The following LYRM9 variants were observed in gnomAD, a reference collection of about 807,000 sequenced individuals.
LYRM9 encodes LYR motif containing 9, also known as LYR motif-containing protein 9.
A neutral mutation model predicts 12.6 loss-of-function variants in LYRM9; 14 were observed. That is an observed-to-expected ratio of 1.11 (90% CI 0.73 to 1.73). The LOEUF is 1.73. LYRM9 is among the 40% of genes most tolerant of loss of function. The pLI, the probability that LYRM9 is intolerant of heterozygous loss-of-function variation, is 0.00. For synonymous variants in LYRM9, 42 were observed against 35.1 expected, an observed-to-expected ratio of 1.20 and a Z score of -0.69; for missense variants, 94 against 95.0, an observed-to-expected ratio of 0.99 and a Z score of 0.04.
At chr17:27,892,629 C>A in intron 1 of LYRM9, 1 of 308,180 alleles carries the variant, frequency 3.2e-6, no homozygotes, top group Non-Finnish European at 6.4e-6. Context: ...TTGGTGGTTG[C>A]CTAGGGCTGG....
intron 1 of LYRM9, among the ~76,000 whole-genome samples, chr17:27,887,716 GTGTGTGTGTGTGTGT>G (rs1905279903): frequency 1.7e-4 from 20 of 115,738 alleles, no homozygotes; most frequent in African/African-American, 5.9e-4. Context: ...GAGGGAGGGT[GTGTGTGTGTGTGTGT>G]GTGTGTGTGT....
chr17:27,887,059 T>G (rs184088119), intron 1 of LYRM9, among the ~76,000 whole-genome samples: 1 of 152,192 alleles, frequency 6.6e-6, no homozygotes. Context: ...CTGAGACAAC[T>G]GCAACAGCCC....
chr17:27,881,523 G>C (rs143112638), intron 2 of LYRM9, among the ~76,000 whole-genome samples: 87 of 151,696 alleles, frequency 5.7e-4, no homozygotes, highest in Non-Finnish European at 8.7e-4. Flanking sequence ...CTTACAGAAA[G>C]TTGTGATAAT....
intron 1 of LYRM9, among the ~76,000 whole-genome samples, chr17:27,891,511 A>G (rs1013187572): frequency 2.0e-5 from 3 of 152,156 alleles, no homozygotes; most frequent in African/African-American, 7.2e-5. Flanking sequence ...TGTTAATACC[A>G]TCTCTGAAAC....
chr17:27,892,694 G>C (rs1275380970), intron 1 of LYRM9: 5 of 297,210 alleles, frequency 1.7e-5, no homozygotes, highest in Admixed American at 9.4e-5. Flanking sequence ...TGTTTCTTTT[G>C]GGGGGTAATG....
At chr17:27,880,782 C>T in intron 2 of LYRM9, 4 of 194,086 alleles carry the variant, frequency 2.1e-5, no homozygotes, top group Non-Finnish European at 3.2e-5. Flanking sequence ...TAGGACTTCT[C>T]TCGGCCCAGT....
At position 27,880,506 on chromosome 17, in the gene LYRM9, T is replaced by C. The variant is rs1207585706; in HGVS notation, c.127-140A>G. On this transcript the variant is annotated intron_variant, in intron 2 of 3. Transcript: ENST00000379102. ...TTCATCCTCCATAGACTGTTATGAT[T>C]ATCCCACACAGAGATGAGGAAACAG... 4.8e-6 allele frequency: 3 copies of C among 627,100 alleles called. No individual in the cohort carries two copies. The African/African-American group carries it at 5.5e-5, about 12-fold the overall frequency. 38.8% of individuals were successfully genotyped at this position (627,100 alleles called of 1,614,324 possible). A position where few individuals can be genotyped will look rare whatever the true frequency, so the allele number is the denominator to read the frequency against.
At chr17:27,884,546 T>G (rs185578093) in intron 1 of LYRM9, among the ~76,000 whole-genome samples, 2 of 152,308 alleles carry the variant, frequency 1.3e-5, no homozygotes, top group East Asian at 3.9e-4. Context: ...TTAGTGTCCT[T>G]CCTCCAGGAA....
intron 1 of LYRM9, among the ~76,000 whole-genome samples, chr17:27,887,653 A>G (rs1316168200): frequency 6.6e-6 from 1 of 151,776 alleles, no homozygotes; most frequent in Non-Finnish European, 1.5e-5. Context: ...AATGTCTGGC[A>G]TGGAGTAGAT....
At chr17:27,888,324 T>C (rs751793525) in intron 1 of LYRM9, among the ~76,000 whole-genome samples, 4 of 152,204 alleles carry the variant, frequency 2.6e-5, no homozygotes, top group Non-Finnish European at 5.9e-5. Context: ...CTCATTACTC[T>C]AGGTCAGGCC....
chr17:27,884,947 C>G (rs545786638), intron 1 of LYRM9, among the ~76,000 whole-genome samples: 23 of 152,300 alleles, frequency 1.5e-4, no homozygotes, highest in Non-Finnish European at 2.4e-4. Context: ...CTCCTTCATT[C>G]CATTTACATC....
chr17:27,883,328 G>T (rs1905127343), intron 1 of LYRM9: 1 of 227,906 alleles, frequency 4.4e-6, no homozygotes. Flanking sequence ...TTGCTGGACA[G>T]AGTCACCACA....
At chr17:27,881,141 G>A (rs947667823) in intron 2 of LYRM9, 3 of 151,712 alleles carry the variant, frequency 2.0e-5, no homozygotes, top group African/African-American at 4.9e-5. Flanking sequence ...GGAGGCTAAG[G>A]GAGGAGAATC....
rs1222733398 is a variant in LYRM9 at position 27,883,369 on chromosome 17, G to A, written c.-18-657C>T. 2.1e-5 allele frequency: 4 copies of A among 188,982 alleles called. No homozygotes were observed. The East Asian group carries it at 6.7e-4, about 32-fold the overall frequency. The allele number at this position is 188,982 out of a possible 1,614,324, so 11.7% of individuals were successfully genotyped here. A position where few individuals can be genotyped will look rare whatever the true frequency, so the allele number is the denominator to read the frequency against. ...GGCACGTGATTTCATTTCACTATGA[G>A]TTATCATAAAAATCACAATGGGCTG... On this transcript the variant is annotated intron_variant, in intron 1 of 3. Transcript: ENST00000379102.
At chr17:27,892,901 C>T (rs1272128449) in intron 1 of LYRM9, 2 of 153,246 alleles carry the variant, frequency 1.3e-5, no homozygotes, top group African/African-American at 2.4e-5. Flanking sequence ...TACGCAGAAG[C>T]ATAAATCATC....
intron 1 of LYRM9, among the ~76,000 whole-genome samples, chr17:27,887,528 C>A (rs2142593659): frequency 6.6e-6 from 1 of 152,320 alleles, no homozygotes; most frequent in Non-Finnish European, 1.5e-5. Flanking sequence ...CCTACCTACC[C>A]CTCATCTGCA....
At position 27,886,148 on chromosome 17, in the gene LYRM9, C is replaced by A. The variant is rs1175552806; in HGVS notation, c.-18-3436G>T. On this transcript the variant is annotated intron_variant, in intron 1 of 3. Transcript: ENST00000379102. The surrounding 1 kb of genome is among the most constrained non-coding windows in gnomAD (Gnocchi z 4.8). ...AGTAGTAATCAAATATTGTAAAATGCTAGTCGCGGAACAGATGGTTACCAT... is the reference window on the plus strand; with the variant it reads ...AGTAGTAATCAAATATTGTAAAATGATAGTCGCGGAACAGATGGTTACCAT... Among the ~76,000 whole-genome samples, 3 of 152,136 alleles carry A rather than the reference C, an allele frequency of 2.0e-5. No homozygotes were observed. The highest frequency in any genetic ancestry group is 4.4e-5 in the Non-Finnish European group (3 of 68,040).
rs993697831 is a variant in LYRM9 at position 27,879,310 on chromosome 17, T to C, written c.*163A>G. On this transcript the variant is annotated 3_prime_UTR_variant, in exon 4 of 4. Transcript: ENST00000379102. ...GCAAACATAAAGGATGCTAGCAACA[T>C]GGCCGCGGCAAGAGGAGCCTCTGGA... 1.8e-5 allele frequency: 11 copies of C among 609,910 alleles called. No homozygotes were observed. Among genetic ancestry groups the C allele is most frequent in the Non-Finnish European group, 2.9e-5 (11 of 379,660 alleles). The allele number at this position is 609,910 out of a possible 1,614,324, so 37.8% of individuals were successfully genotyped here.
chr17:27,883,568 T>G (rs1440752979), intron 1 of LYRM9, among the ~76,000 whole-genome samples: 3 of 150,106 alleles, frequency 2.0e-5, no homozygotes, highest in Non-Finnish European at 4.4e-5. Context: ...GAGGATCACT[T>G]AAACCCCAGA....
Sources: gnomAD v4.1 joint callset for allele counts (sites outside exome capture counted in the v4.1 genomes callset) on GRCh38, gnomAD v4.1.1 for gene constraint, Gnocchi (gnomAD v3.1) non-coding constraint, MANE v1.5 for transcripts, NCBI Gene and HGNC (gene_info 2026-07-23, HGNC 2026-07-21) for gene names.